The following CCDC178 variants were observed in gnomAD, a reference collection of about 807,000 sequenced individuals.
The protein encoded by CCDC178 is coiled-coil domain containing 178, also known as coiled-coil domain-containing protein 178.
In CCDC178, 126 loss-of-function variants were observed where a neutral mutation model predicts 117.4. The observed-to-expected ratio is 1.07, with a 90% CI of 0.93 to 1.24. The LOEUF (loss-of-function observed/expected upper bound fraction) is 1.24. CCDC178 is among the 50% of genes most tolerant of loss of function. CCDC178 has a pLI of 0.00. For synonymous variants in CCDC178, 283 were observed against 313.4 expected, an observed-to-expected ratio of 0.90 and a Z score of 1.02; for missense variants, 1,030 against 986.9, an observed-to-expected ratio of 1.04 and a Z score of -0.59.
chr18:33,213,713 A>C (rs1381952633), intron 19 of CCDC178, among the ~76,000 whole-genome samples: 1 of 152,056 alleles, frequency 6.6e-6, no homozygotes, highest in Non-Finnish European at 1.5e-5. Context: ...ACAGTGATAA[A>C]ACAAGTGGAC....
chr18:33,070,106 A>C (rs1027552608), intron 21 of CCDC178, among the ~76,000 whole-genome samples: 3 of 152,068 alleles, frequency 2.0e-5, no homozygotes, highest in African/African-American at 7.2e-5. Flanking sequence ...CATTATGGAG[A>C]ACCGTATGGA....
At chr18:33,314,221 A>G (rs867913028) in intron 11 of CCDC178, among the ~76,000 whole-genome samples, 1 of 148,330 alleles carries the variant, frequency 6.7e-6, no homozygotes, top group African/African-American at 2.5e-5. Context: ...AAAAAAAAAA[A>G]AAAAAAAAAA....
chr18:33,394,286 A>G (rs2063602019), intron 4 of CCDC178, among the ~76,000 whole-genome samples: 1 of 151,986 alleles, frequency 6.6e-6, no homozygotes, highest in African/African-American at 2.4e-5. Flanking sequence ...CAACATATTT[A>G]TTATACTATG....
intron 11 of CCDC178, among the ~76,000 whole-genome samples, chr18:33,308,784 G>A (rs2062294468): frequency 6.6e-6 from 1 of 152,098 alleles, no homozygotes; most frequent in Non-Finnish European, 1.5e-5. Flanking sequence ...TTTATAAGAG[G>A]TTTCCCCCTT....
At chr18:33,013,611 A>C (rs2144806202) in intron 21 of CCDC178, among the ~76,000 whole-genome samples, 1 of 152,254 alleles carries the variant, frequency 6.6e-6, no homozygotes, top group South Asian at 2.1e-4. Flanking sequence ...CCAAAATATA[A>C]ATTTTTTCTT....
chr18:32,963,455 A>G (rs1240797930), intron 22 of CCDC178, among the ~76,000 whole-genome samples: 4 of 151,964 alleles, frequency 2.6e-5, no homozygotes, highest in Non-Finnish European at 5.9e-5. Flanking sequence ...GTAATATTTA[A>G]TCATGTAATT....
intron 21 of CCDC178, among the ~76,000 whole-genome samples, chr18:33,040,879 A>G (rs373831956): frequency 6.9e-4 from 105 of 152,094 alleles, no homozygotes; most frequent in African/African-American, 2.2e-3. Flanking sequence ...AAAATTTTGC[A>G]AAGAGAATAG....
intron 21 of CCDC178, among the ~76,000 whole-genome samples, chr18:33,058,967 T>A: frequency 6.6e-6 from 1 of 152,210 alleles, no homozygotes; most frequent in East Asian, 1.9e-4. Context: ...ATACAATATT[T>A]ATAAGTTCCA....
intron 20 of CCDC178, among the ~76,000 whole-genome samples, chr18:33,144,466 A>G (rs755949037): frequency 6.6e-5 from 10 of 152,104 alleles, no homozygotes; most frequent in Non-Finnish European, 1.5e-4. Flanking sequence ...CAAGTGTTAA[A>G]GATATTATAA....
chr18:33,196,649 C>A (rs942648207), intron 20 of CCDC178, among the ~76,000 whole-genome samples: 1 of 152,100 alleles, frequency 6.6e-6, no homozygotes, highest in Non-Finnish European at 1.5e-5. Flanking sequence ...GGGCCTACCA[C>A]ATGCCAAGAC....
At chr18:33,376,002 T>C (rs1210060644) in intron 5 of CCDC178, among the ~76,000 whole-genome samples, 4 of 152,140 alleles carry the variant, frequency 2.6e-5, no homozygotes, top group South Asian at 2.1e-4. Flanking sequence ...AAAGTACAAC[T>C]TGGATAACGG....
chr18:33,183,507 T>C (rs1217418659), intron 20 of CCDC178, among the ~76,000 whole-genome samples: 1 of 151,996 alleles, frequency 6.6e-6, no homozygotes, highest in Non-Finnish European at 1.5e-5. Flanking sequence ...CCTTTAACTA[T>C]AAAAAATTGG....
intron 20 of CCDC178, among the ~76,000 whole-genome samples, chr18:33,175,174 CCT>C (rs559818371): frequency 1.1e-3 from 160 of 152,122 alleles, no homozygotes; most frequent in African/African-American, 3.8e-3. Context: ...CCGCACCTGG[CCT>C]CTGTTTCGCA....
rs763840790 is a variant in CCDC178 at position 33,144,510 on chromosome 18, T to G, written c.2239-51600A>C. Among the ~76,000 whole-genome samples, 3 of 152,220 alleles carry G rather than the reference T, an allele frequency of 2.0e-5. No homozygotes were observed. The South Asian group carries it at 6.2e-4, about 32-fold the overall frequency. On this transcript the variant is annotated intron_variant, in intron 20 of 22. Transcript: ENST00000383096. ...TGCTAGCAGAAGCAGCTCGATTCAA[T>G]GAATAGGTGAGTTTCTCTTTTTTCA...
intron 21 of CCDC178, among the ~76,000 whole-genome samples, chr18:33,034,409 T>G (rs2144871558): frequency 6.6e-6 from 1 of 152,194 alleles, no homozygotes; most frequent in Non-Finnish European, 1.5e-5. Flanking sequence ...AATTTTATGA[T>G]AAGGTCAAAC....
chr18:32,943,955 C>T (rs2054293434), intron 22 of CCDC178, among the ~76,000 whole-genome samples: 1 of 152,166 alleles, frequency 6.6e-6, no homozygotes, highest in African/African-American at 2.4e-5. Context: ...TGTAAGTCAC[C>T]TTTCTCTTTC....
intron 20 of CCDC178, among the ~76,000 whole-genome samples, chr18:33,197,128 A>G (rs2058939713): frequency 6.6e-6 from 1 of 151,718 alleles, no homozygotes; most frequent in Admixed American, 6.6e-5. Context: ...CCTGGGCTCA[A>G]GCGATTCTCC....
intron 11 of CCDC178, among the ~76,000 whole-genome samples, chr18:33,320,430 G>A (rs2062489994): frequency 6.6e-6 from 1 of 152,070 alleles, no homozygotes; most frequent in Non-Finnish European, 1.5e-5. Flanking sequence ...AAAATCACAA[G>A]CATTCTTATA....
chr18:33,051,706 T>G (rs574527035), intron 21 of CCDC178, among the ~76,000 whole-genome samples: 2 of 152,186 alleles, frequency 1.3e-5, no homozygotes, highest in Admixed American at 1.3e-4. Flanking sequence ...GCCAGAAAGA[T>G]TTTTGCTCAG....
Sources: gnomAD v4.1 joint callset for allele counts (sites outside exome capture counted in the v4.1 genomes callset) on GRCh38, gnomAD v4.1.1 for gene constraint, MANE v1.5 for transcripts, NCBI Gene and HGNC (gene_info 2026-07-23, HGNC 2026-07-21) for gene names.